The following MYNN variants were observed in gnomAD, a reference collection of about 807,000 sequenced individuals.
MYNN encodes the protein myoneurin.
In MYNN, 22 loss-of-function variants were observed where a neutral mutation model predicts 57.2. That is an observed-to-expected ratio of 0.38 (90% confidence interval 0.27 to 0.55). The LOEUF (loss-of-function observed/expected upper bound fraction) is 0.55. Ranked by LOEUF, MYNN falls within the 20% of genes least tolerant of loss-of-function variation. The pLI is 0.71. For missense variants in MYNN, 566 were observed against 723.1 expected (o/e 0.78, Z 2.49); for synonymous variants, 241 against 257.1 (o/e 0.94, Z 0.60).
At chr3:169,777,668 A>G (rs1778388529) in intron 2 of MYNN, 1 of 152,228 alleles carries the variant, frequency 6.6e-6, no homozygotes, top group Admixed American at 6.5e-5. Context: ...ACCTTTCACC[A>G]CATTGTGAAC....
chr3:169,774,459 G>A lies in MYNN; in HGVS notation c.164G>A (p.Ser55Asn), dbSNP rs767676979. The A allele has an allele frequency of 5.0e-6, 8 of 1,614,080 alleles. No homozygotes were observed. Among genetic ancestry groups the A allele is most frequent in the Non-Finnish European group, 6.8e-6 (8 of 1,180,002 alleles). ...GAGTATTTTGGTGCGATCTACAGAA[G>A]CACTTCTGAGAACAATGTCTTTCTT... ...FSEYFGAIYR[S>N]TSENNVFLDQ... Residue 55 changes from serine to asparagine, a missense_variant, in exon 2 of 8, where the codon AGC becomes AAC. Ser to Asn is a conservative substitution (Grantham distance 46). This residue lies in a region of MYNN where 261 missense variants were observed against 280.8 expected (regional missense o/e 0.93). Transcript: ENST00000349841.
In MYNN at chr3:169,774,063, T is replaced by C. The variant is rs187779073; in HGVS notation, c.-31-202T>C. The stretch of plus-strand genomic sequence containing the variant: ...AAGTGTTGCCATTCACCGTCACTTA[T>C]TGATGTGTCCAAAGGATTGTGTTAG... On this transcript the variant is annotated intron_variant, in intron 1 of 7. Transcript: ENST00000349841. 60 of 480,368 alleles carry C rather than the reference T, an allele frequency of 1.2e-4. 1 individual carries two copies. The East Asian group carries it at 1.8e-3, about 14-fold the overall frequency. 29.8% of individuals were successfully genotyped at this position (480,368 alleles called of 1,614,324 possible). A position where few individuals can be genotyped will look rare whatever the true frequency, so the allele number is the denominator to read the frequency against.
intron 7 of MYNN, 70 bp from the exon 8 acceptor site, chr3:169,786,346 A>G: frequency 1.4e-6 from 2 of 1,423,120 alleles, no homozygotes; most frequent in Non-Finnish European, 9.7e-7. Flanking sequence ...AATGGTAAGT[A>G]CATTAGTCTA....
At position 169,782,582 on chromosome 3, in the gene MYNN, T is replaced by C; in HGVS notation, c.1338T>C (p.Asp446=). ...CTGGAGAAAAGCCTTATGTATGTGA[T>C]ACCTGTGGGAAGGCATTTGCTGTCT... ...RHTGEKPYVC[D]TCGKAFAVSS... Residue 446 remains aspartate, a synonymous_variant, in exon 5 of 8, where the codon GAT becomes GAC. Coordinates refer to ENST00000349841, the MANE Select transcript of MYNN (RefSeq NM_018657.5). This position sits in a 1 kb window ranked among gnomAD's most constrained non-coding sequence, Gnocchi z 4.8. 1.9e-6 allele frequency: 3 copies of C among 1,614,060 alleles called. No homozygotes were observed. Among genetic ancestry groups the C allele is most frequent in the Non-Finnish European group, 1.7e-6 (2 of 1,179,906 alleles).
At position 169,779,548 on chromosome 3, in the gene MYNN, A is replaced by C. The variant is rs1247052737; in HGVS notation, c.1047A>C (p.Val349=). 6.2e-7 allele frequency: 1 copy of C among 1,613,882 alleles called. No homozygotes were observed. Among genetic ancestry groups the C allele is most frequent in the Admixed American group, 1.7e-5 (1 of 60,018 alleles). The change falls in exon 3 of 8, where the codon GTA becomes GTC. Residue 349 remains valine (V), a synonymous_variant. Transcript: ENST00000349841. ...FTQCNQLKTH[V]RTHTGEKPYK... is the part of the protein sequence containing the mutation. The stretch of plus-strand genomic sequence containing the variant: ...AATGTAACCAGCTGAAAACGCATGT[A>C]AGAACTCATACAGGTGAGACGGGTG...
rs75277808 is a variant in MYNN, at chr3:169,789,636, G to A, written c.*2958G>A. 6,931 of 152,186 alleles carry A rather than the reference G, an allele frequency of 0.046. 263 individuals carry two copies. Among genetic ancestry groups the A allele is most frequent in the East Asian group, 0.12 (607 of 5,156 alleles). 9.4% of individuals were successfully genotyped at this position (152,186 alleles called of 1,614,324 possible). On this transcript the variant is annotated 3_prime_UTR_variant, in exon 8 of 8. Transcript: ENST00000349841. The stretch of plus-strand genomic sequence containing the variant: ...TGAGTAGCTGGTACTACAGGTGCGC[G>A]CCACCACACCTGACTAATTTTTGTT...
At chr3:169,776,425 T>C (rs1778342592) in intron 2 of MYNN, among the ~76,000 whole-genome samples, 1 of 152,210 alleles carries the variant, frequency 6.6e-6, no homozygotes, top group South Asian at 2.1e-4. Flanking sequence ...CTTTATTTCT[T>C]TGGACTTCTG....
At position 169,786,163 on chromosome 3, in the gene MYNN, A is replaced by G. The variant is rs551108830; in HGVS notation, c.1571-253A>G. 5.3e-5 allele frequency among the ~76,000 whole-genome samples: 8 copies of G among 152,222 alleles called. 1 individual carries two copies. The South Asian group carries it at 1.7e-3, about 32-fold the overall frequency. On this transcript the variant is annotated intron_variant, in intron 7 of 7. Coordinates refer to ENST00000349841, the MANE Select transcript of MYNN (RefSeq NM_018657.5). ...AATTGACAAATGTGTGATTAAGCCG[A>G]TATAACAGCTCACCCTGTTTCATTC...
At chr3:169,775,527 CTG>C (rs1009961965) in intron 2 of MYNN, among the ~76,000 whole-genome samples, 4 of 152,122 alleles carry the variant, frequency 2.6e-5, no homozygotes, top group African/African-American at 9.7e-5. Context: ...TGCAATCTCT[CTG>C]GGCCTCAGTT....
Position 169,774,259 on chromosome 3 carries a change from T to TTTTA in MYNN, c.-31-5_-31-2dup. On this transcript the variant is annotated splice_polypyrimidine_tract_variant and splice_region_variant and intron_variant, in intron 1 of 7. Transcript: ENST00000349841. ...TACTGATTTACTGTTTCTTTTTGTC[T>TTTTA]TTTAGATCAAGGGTAAAATTCCATT... 6.2e-7 allele frequency: 1 copy of TTTTA among 1,601,812 alleles called. No individual in the cohort carries two copies. Among genetic ancestry groups the TTTTA allele is most frequent in the Non-Finnish European group, 8.5e-7 (1 of 1,171,028 alleles).
At chr3:169,784,783 C>T (rs2108208989) in intron 7 of MYNN, 75 bp downstream of exon 7, 1 of 925,984 alleles carries the variant, frequency 1.1e-6, no homozygotes, top group Admixed American at 2.9e-5. Flanking sequence ...CCTTAAAATG[C>T]TGAGATGAGA....
rs182444236 is a variant in MYNN at position 169,788,708 on chromosome 3, G to C, written c.*2030G>C. On this transcript the variant is annotated 3_prime_UTR_variant, in exon 8 of 8. Coordinates refer to ENST00000349841, the MANE Select transcript of MYNN (RefSeq NM_018657.5). ...ACGATTGAAGTGGCTAAGATTGATT[G>C]AGCTTTTCTTGATCACATTTTCTGC... is the stretch of plus-strand genomic sequence containing the variant. 20 of 152,166 alleles carry C rather than the reference G, an allele frequency of 1.3e-4. No individual in the cohort carries two copies. Among genetic ancestry groups the C allele is most frequent in the African/African-American group, 4.8e-4 (20 of 41,542 alleles). 9.4% of individuals were successfully genotyped at this position (152,166 alleles called of 1,614,324 possible). A position where few individuals can be genotyped will look rare whatever the true frequency, so the allele number is the denominator to read the frequency against.
intron 6 of MYNN, among the ~76,000 whole-genome samples, chr3:169,784,034 G>A (rs1285080325): frequency 6.6e-6 from 1 of 151,944 alleles, no homozygotes; most frequent in Non-Finnish European, 1.5e-5. Flanking sequence ...AAAGAGTACT[G>A]TTCTGACATT....
intron 2 of MYNN, among the ~76,000 whole-genome samples, chr3:169,776,982 G>C (rs1002123681): frequency 1.3e-5 from 2 of 152,080 alleles, no homozygotes; most frequent in Non-Finnish European, 2.9e-5. Flanking sequence ...AACTGCACCC[G>C]GCCTTGAACA....
Position 169,779,144 on chromosome 3 carries a change from G to A in MYNN, c.643G>A (p.Ala215Thr), listed in dbSNP as rs774904137. The part of the protein sequence containing the change: ...ENASVELFLD[A>T]NKLPTPVVEQ... ...TGCATCTGTTGAATTATTCCTAGAT[G>A]CAAATAAACTGCCCACACCTGTAGT... The change falls in exon 3 of 8, where the codon GCA (alanine) becomes ACA (threonine). Residue 215 changes from alanine to threonine, a missense_variant. By Grantham distance (58) the Ala-to-Thr change is moderately conservative. Around this residue, in one of 4 missense-constraint regions of MYNN, gnomAD observed 261 missense variants for 280.8 expected, o/e 0.93. Coordinates refer to ENST00000349841, the MANE Select transcript of MYNN (RefSeq NM_018657.5). The A allele has an allele frequency of 1.2e-6, 2 of 1,614,146 alleles. No individual in the cohort carries two copies. Among genetic ancestry groups the A allele is most frequent in the South Asian group, 2.2e-5 (2 of 91,082 alleles).
chr3:169,783,133 A>G (rs1778567906), intron 5 of MYNN, among the ~76,000 whole-genome samples: 1 of 152,154 alleles, frequency 6.6e-6, no homozygotes, highest in Non-Finnish European at 1.5e-5. Flanking sequence ...ACTTCCCTAC[A>G]TACTTTTATT....
rs1304071794 is a variant in MYNN, at chr3:169,788,884, G to A, written c.*2206G>A. 6.6e-6 allele frequency: 1 copy of A among 152,006 alleles called. No homozygotes were observed. Among genetic ancestry groups the A allele is most frequent in the Non-Finnish European group, 1.5e-5 (1 of 67,986 alleles). 9.4% of individuals were successfully genotyped at this position (152,006 alleles called of 1,614,324 possible). The stretch of plus-strand genomic sequence containing the variant: ...GCTATGCTATTATTTATCATAATAT[G>A]CATATATTTAGTTGTATCTGGTATC... On this transcript the variant is annotated 3_prime_UTR_variant, in exon 8 of 8. Transcript: ENST00000349841.
At chr3:169,781,793 G>A (rs1040907090) in intron 4 of MYNN, among the ~76,000 whole-genome samples, 2 of 152,200 alleles carry the variant, frequency 1.3e-5, no homozygotes, top group African/African-American at 4.8e-5. Context: ...AGTATCATTA[G>A]TAGAGGCCAG....
At chr3:169,775,144 T>G (rs1350479379) in intron 2 of MYNN, among the ~76,000 whole-genome samples, 2 of 152,200 alleles carry the variant, frequency 1.3e-5, no homozygotes, top group Non-Finnish European at 2.9e-5. Flanking sequence ...TTCTGACTCC[T>G]GTTATCTCTA....
Sources: gnomAD v4.1 joint callset for allele counts (sites outside exome capture counted in the v4.1 genomes callset) on GRCh38, gnomAD v4.1.1 for gene constraint, gnomAD v4.1.1 regional missense constraint, Gnocchi (gnomAD v3.1) non-coding constraint, MANE v1.5 for transcripts, NCBI Gene and HGNC (gene_info 2026-07-23, HGNC 2026-07-21) for gene names.